Variants in PPP1R9A observed in about 807,000 individuals in gnomAD.
PPP1R9A encodes neurabin-1.
In PPP1R9A, 59 loss-of-function variants were observed where a neutral mutation model predicts 141.9. That is an observed-to-expected ratio of 0.42 (90% confidence interval 0.34 to 0.52). The LOEUF (loss-of-function observed/expected upper bound fraction) is 0.52. PPP1R9A is among the 20% of genes least tolerant of loss of function. PPP1R9A has a pLI of 0.10. For synonymous variants in PPP1R9A, 500 were observed against 569.7 expected, an observed-to-expected ratio of 0.88 and a Z score of 1.74; for missense variants, 1,444 against 1,611.9, an observed-to-expected ratio of 0.90 and a Z score of 1.78.
At chr7:95,105,893 T>C in intron 2 of PPP1R9A, among the ~76,000 whole-genome samples, 1 of 152,158 alleles carries the variant, frequency 6.6e-6, no homozygotes, top group Non-Finnish European at 1.5e-5. Context: ...GTTCTAATAC[T>C]AAGTCAGTTA....
chr7:95,044,048 A>C (rs1809637075), intron 2 of PPP1R9A, among the ~76,000 whole-genome samples: 1 of 152,250 alleles, frequency 6.6e-6, no homozygotes, highest in Non-Finnish European at 1.5e-5. Flanking sequence ...AATACATTGG[A>C]GACTGCTTCA....
Position 95,006,187 on chromosome 7 carries a change from T to C in PPP1R9A, c.1395+94679T>C, listed in dbSNP as rs920620836. On this transcript the variant is annotated intron_variant, in intron 2 of 19. Transcript: ENST00000433360. ...TAAGGATTAAAATAAATTGAGATCT[T>C]AAGAACTTATTTATTTATTTATTTA... 2.0e-5 allele frequency among the ~76,000 whole-genome samples: 3 copies of C among 149,428 alleles called. No individual in the cohort carries two copies. In the East Asian group the frequency reaches 5.9e-4, roughly 29 times the overall value.
At chr7:95,251,256 C>A (rs1798831658) in intron 10 of PPP1R9A, among the ~76,000 whole-genome samples, 1 of 152,094 alleles carries the variant, frequency 6.6e-6, no homozygotes, top group South Asian at 2.1e-4. Flanking sequence ...GGAACTGTTT[C>A]TCTTCTCCCC....
chr7:95,222,787 T>C (rs1794638429), intron 7 of PPP1R9A, among the ~76,000 whole-genome samples: 1 of 152,044 alleles, frequency 6.6e-6, no homozygotes, highest in African/African-American at 2.4e-5. Flanking sequence ...CATCTTCCTT[T>C]GTAAATGGCA....
Position 95,107,052 on chromosome 7 carries a change from G to A in PPP1R9A, c.1396-4207G>A, listed in dbSNP as rs76346462. On this transcript the variant is annotated intron_variant, in intron 2 of 19. Coordinates refer to ENST00000433360, the MANE Select transcript of PPP1R9A (RefSeq NM_001166160.2). Reference sequence around the variant, plus strand: ...CCTCCTAGATCTCACAAAATGCTGGGATTACAGGCATGAGCCACTGTGTCC... The same window carrying A: ...CCTCCTAGATCTCACAAAATGCTGGAATTACAGGCATGAGCCACTGTGTCC... Among the ~76,000 whole-genome samples the A allele has an allele frequency of 6.1e-3, 923 of 152,122 alleles. 11 individuals carry two copies. The highest frequency in any genetic ancestry group is 0.021 in the African/African-American group (865 of 41,496).
At chr7:95,037,573 G>C (rs1808605460) in intron 2 of PPP1R9A, among the ~76,000 whole-genome samples, 1 of 152,090 alleles carries the variant, frequency 6.6e-6, no homozygotes, top group South Asian at 2.1e-4. Flanking sequence ...CTAAATACCA[G>C]GTTTGCACTA....
At chr7:95,136,025 A>T (rs1306580722) in intron 4 of PPP1R9A, among the ~76,000 whole-genome samples, 1 of 151,974 alleles carries the variant, frequency 6.6e-6, no homozygotes, top group Non-Finnish European at 1.5e-5. Context: ...CCCTAAGTCC[A>T]CCAACTTGTA....
intron 5 of PPP1R9A, among the ~76,000 whole-genome samples, chr7:95,190,041 A>G (rs1045819172): frequency 6.6e-6 from 1 of 152,046 alleles, no homozygotes; most frequent in South Asian, 2.1e-4. Context: ...TGAATTCTTT[A>G]TCTGGCAAAT....
chr7:95,090,249 C>T (rs370970031), intron 2 of PPP1R9A, among the ~76,000 whole-genome samples: 62 of 151,536 alleles, frequency 4.1e-4, no homozygotes, highest in Middle Eastern at 6.8e-3. Context: ...TAAAAAAAAA[C>T]GCCTGATTTT....
At chr7:95,206,746 T>C (rs956683846) in intron 7 of PPP1R9A, among the ~76,000 whole-genome samples, 4 of 152,238 alleles carry the variant, frequency 2.6e-5, no homozygotes, top group African/African-American at 9.6e-5. Context: ...CTTGAACTGC[T>C]TCTTTCACTC....
intron 2 of PPP1R9A, among the ~76,000 whole-genome samples, chr7:94,914,807 C>T (rs543035589): frequency 6.6e-6 from 1 of 152,022 alleles, no homozygotes; most frequent in African/African-American, 2.4e-5. Context: ...GCAAATATAA[C>T]AAATACAACA....
At chr7:95,234,013 C>G (rs1796337771) in intron 8 of PPP1R9A, among the ~76,000 whole-genome samples, 1 of 152,098 alleles carries the variant, frequency 6.6e-6, no homozygotes, top group African/African-American at 2.4e-5. Context: ...GCAAAATAGG[C>G]ATAGAAGAGA....
intron 2 of PPP1R9A, among the ~76,000 whole-genome samples, chr7:94,930,213 G>A (rs1584261366): frequency 6.6e-6 from 1 of 152,232 alleles, no homozygotes; most frequent in African/African-American, 2.4e-5. Context: ...CAGCAGGAGA[G>A]TGTTGGGAGG....
At chr7:95,208,956 T>TAAAAAAAAAAAA (rs10670515) in intron 7 of PPP1R9A, among the ~76,000 whole-genome samples, 6 of 76,876 alleles carry the variant, frequency 7.8e-5, no homozygotes, top group South Asian at 5.2e-4. Context: ...ATAGCAAAAC[T>TAAAAAAAAAAAA]AAAAAAAAAA....
In PPP1R9A at chr7:95,197,594, T is replaced by C. The variant is rs932514522; in HGVS notation, c.1755-755T>C. ...AAACACTTAAGTTTTCCTTTTCTCT[T>C]ATTTCAAAGTTATATATTTAGCCAC... On this transcript the variant is annotated intron_variant, in intron 5 of 19. Transcript: ENST00000433360. Among the ~76,000 whole-genome samples, 4 of 152,322 alleles carry C rather than the reference T, an allele frequency of 2.6e-5. No homozygotes were observed. In the East Asian group the frequency reaches 7.7e-4, roughly 29 times the overall value.
At chr7:94,976,045 A>G (rs977929584) in intron 2 of PPP1R9A, among the ~76,000 whole-genome samples, 1 of 152,122 alleles carries the variant, frequency 6.6e-6, no homozygotes, top group Non-Finnish European at 1.5e-5. Context: ...TTTGGTTACA[A>G]AATGGTTAGT....
intron 4 of PPP1R9A, among the ~76,000 whole-genome samples, chr7:95,147,194 T>C (rs1400006728): frequency 2.0e-5 from 3 of 152,228 alleles, no homozygotes; most frequent in Non-Finnish European, 4.4e-5. Flanking sequence ...GTTTTTCTCC[T>C]TGAAGAGGTC....
chr7:95,024,558 T>C lies in PPP1R9A; in HGVS notation c.1396-86701T>C, dbSNP rs186235526. Reference sequence around the variant, plus strand: ...CTTTCTTTGTCTCATTTGATCTTTGTTGGTTTAAAGTCTGTTTTCTCTTAG... The same window carrying C: ...CTTTCTTTGTCTCATTTGATCTTTGCTGGTTTAAAGTCTGTTTTCTCTTAG... On this transcript the variant is annotated intron_variant, in intron 2 of 19. Transcript: ENST00000433360. 6.0e-4 allele frequency among the ~76,000 whole-genome samples: 92 copies of C among 152,310 alleles called. 4 individuals carry two copies. Among genetic ancestry groups the C allele is most frequent in the Admixed American group, 5.6e-3 (85 of 15,292 alleles).
intron 7 of PPP1R9A, among the ~76,000 whole-genome samples, chr7:95,205,658 A>C (rs1179380326): frequency 6.6e-6 from 1 of 152,142 alleles, no homozygotes; most frequent in Non-Finnish European, 1.5e-5. Context: ...TGTCTAGTAC[A>C]CTGACTCTGT....
Sources: gnomAD v4.1 joint callset for allele counts (sites outside exome capture counted in the v4.1 genomes callset) on GRCh38, gnomAD v4.1.1 for gene constraint, MANE v1.5 for transcripts, NCBI Gene and HGNC (gene_info 2026-07-23, HGNC 2026-07-21) for gene names.